The following PAX3 variants were observed in gnomAD, a reference collection of about 807,000 sequenced individuals.
The protein encoded by PAX3 is paired box 3, also known as paired box protein Pax-3.
Under a neutral mutation model 51.6 loss-of-function variants are expected in PAX3, and 14 were observed. That is an observed-to-expected ratio of 0.27 (90% CI 0.18 to 0.42). The LOEUF (loss-of-function observed/expected upper bound fraction) is 0.42, where lower values mean the gene tolerates loss of function less well. PAX3 is among the 10% of genes least tolerant of loss of function. The pLI, the probability that PAX3 is intolerant of heterozygous loss-of-function variation, is 1.00. For missense variants in PAX3, 540 were observed against 642.8 expected (o/e 0.84, Z 1.73); for synonymous variants, 280 against 253.4 (o/e 1.11, Z -1.00).
At chr2:222,272,285 C>A (rs1417959287) in intron 4 of PAX3, among the ~76,000 whole-genome samples, 1 of 152,082 alleles carries the variant, frequency 6.6e-6, no homozygotes, top group Non-Finnish European at 1.5e-5. Context: ...GTCATTATAC[C>A]CCTTCTCCCA....
chr2:222,232,473 C>T (rs1477344922), intron 4 of PAX3, among the ~76,000 whole-genome samples, 190 bp from the exon 5 acceptor site: 1 of 152,180 alleles, frequency 6.6e-6, no homozygotes, highest in Admixed American at 6.5e-5. Context: ...ACAGTGCATT[C>T]CCAATGTCTT....
chr2:222,209,466 C>T (rs1342618299), intron 7 of PAX3, among the ~76,000 whole-genome samples: 3 of 151,916 alleles, frequency 2.0e-5, no homozygotes, highest in Admixed American at 1.3e-4. Flanking sequence ...AAATGGAGAA[C>T]AGGCTTGCAA....
chr2:222,294,139 G>T (rs1695156971), intron 4 of PAX3, 28 bp downstream of exon 4: 3 of 1,613,712 alleles, frequency 1.9e-6, no homozygotes, highest in South Asian at 1.1e-5. Context: ...CACCCAGCAA[G>T]TGCGCCGCCC....
intron 4 of PAX3, among the ~76,000 whole-genome samples, chr2:222,267,065 C>A (rs12617408): frequency 1.3e-5 from 2 of 152,096 alleles, no homozygotes; most frequent in Non-Finnish European, 2.9e-5. Flanking sequence ...CACTCTTACC[C>A]GGAGATTGCA....
At chr2:222,229,828 A>G (rs1211615103) in intron 5 of PAX3, among the ~76,000 whole-genome samples, 1 of 152,140 alleles carries the variant, frequency 6.6e-6, no homozygotes, top group Non-Finnish European at 1.5e-5. Flanking sequence ...CCTATTACTA[A>G]TATACTCTCC....
chr2:222,225,012 A>G (rs555166276), intron 5 of PAX3, among the ~76,000 whole-genome samples: 1 of 152,268 alleles, frequency 6.6e-6, no homozygotes, highest in South Asian at 2.1e-4. Context: ...TATATGATCT[A>G]CAATTCAATG....
intron 4 of PAX3, among the ~76,000 whole-genome samples, chr2:222,247,638 A>G (rs1693277477): frequency 1.3e-5 from 2 of 152,060 alleles, no homozygotes. Context: ...TCATTTTATC[A>G]CATGATCAAC....
chr2:222,251,836 T>G (rs1693446635), intron 4 of PAX3, among the ~76,000 whole-genome samples: 3 of 152,220 alleles, frequency 2.0e-5, no homozygotes. Context: ...ATTGTGGTTT[T>G]GATTTTCATT....
chr2:222,237,642 A>T (rs943769479), intron 4 of PAX3, among the ~76,000 whole-genome samples: 1 of 152,364 alleles, frequency 6.6e-6, no homozygotes, highest in Non-Finnish European at 1.5e-5. Flanking sequence ...AACTTTGCCA[A>T]GATATTAAAT....
intron 4 of PAX3, among the ~76,000 whole-genome samples, chr2:222,272,852 A>G (rs1183747727): frequency 6.6e-6 from 1 of 152,204 alleles, no homozygotes; most frequent in Non-Finnish European, 1.5e-5. Context: ...GGCCCTCAAT[A>G]AACCTAATTA....
chr2:222,253,788 A>G (rs1693530377), intron 4 of PAX3, among the ~76,000 whole-genome samples: 1 of 152,038 alleles, frequency 6.6e-6, no homozygotes, highest in Non-Finnish European at 1.5e-5. Context: ...GTAGTTGAGT[A>G]GCTAGGACTG....
chr2:222,290,270 C>T (rs1366668645), intron 4 of PAX3, among the ~76,000 whole-genome samples: 1 of 152,172 alleles, frequency 6.6e-6, no homozygotes. Context: ...CTGAAGTCGT[C>T]CTCGTTAACT....
chr2:222,293,730 G>A (rs779889668), intron 4 of PAX3: 11 of 1,614,132 alleles, frequency 6.8e-6, no homozygotes, highest in Admixed American at 5.0e-5. Context: ...CCTTTAATGC[G>A]AGGAAACTCC....
At chr2:222,295,395 T>C (rs1490288717) in intron 3 of PAX3, 133 bp downstream of exon 3, 6 of 1,077,918 alleles carry the variant, frequency 5.6e-6, no homozygotes, top group Non-Finnish European at 7.0e-6. Flanking sequence ...GGTTGGCAAA[T>C]ATTGCAGGGC....
intron 4 of PAX3, among the ~76,000 whole-genome samples, chr2:222,261,345 A>G (rs945828320): frequency 6.6e-5 from 10 of 152,178 alleles, no homozygotes; most frequent in Non-Finnish European, 1.5e-4. Flanking sequence ...GCTCACATTG[A>G]CTTTTTAAGT....
intron 1 of PAX3, chr2:222,298,144 C>G (rs1178095534): frequency 4.6e-5 from 12 of 261,950 alleles, no homozygotes; most frequent in African/African-American, 2.2e-4. Flanking sequence ...ACATATGTTT[C>G]ACAAGTGTGG....
chr2:222,275,743 T>C (rs1007222867), intron 4 of PAX3, among the ~76,000 whole-genome samples: 14 of 152,378 alleles, frequency 9.2e-5, no homozygotes, highest in Non-Finnish European at 2.1e-4. Context: ...AGTTTTTAAA[T>C]ACTTCAATGT....
At chr2:222,225,709 G>A (rs1423999505) in intron 5 of PAX3, among the ~76,000 whole-genome samples, 1 of 152,160 alleles carries the variant, frequency 6.6e-6, no homozygotes, top group Non-Finnish European at 1.5e-5. Context: ...TCACAAGATT[G>A]TTGTGACTAT....
In PAX3 at chr2:222,247,696, T is replaced by C. The variant is rs367939793; in HGVS notation, c.587-15413A>G. Among the ~76,000 whole-genome samples the C allele has an allele frequency of 1.1e-3, 170 of 152,252 alleles. 2 individuals are homozygous for C. The South Asian group carries it at 0.025, about 22-fold the overall frequency. ...AGGTGAATTTACTCCTATATTCTAATGGTAGCTAGAGTCCTCCTACCACCA... is the reference window on the plus strand; with the variant it reads ...AGGTGAATTTACTCCTATATTCTAACGGTAGCTAGAGTCCTCCTACCACCA... On this transcript the variant is annotated intron_variant, in intron 4 of 8. Transcript: ENST00000392070.
Sources: allele counts gnomAD v4.1 joint callset (sites outside exome capture counted in the v4.1 genomes callset), GRCh38; gene constraint gnomAD v4.1.1; transcripts MANE v1.5; gene names NCBI Gene and HGNC (gene_info 2026-07-23, HGNC 2026-07-21).